The following CALN1 variants were observed in gnomAD, a reference collection of about 807,000 sequenced individuals.
CALN1 encodes calcium-binding protein 8.
A neutral mutation model predicts 30.6 loss-of-function variants in CALN1; 17 were observed. The observed-to-expected ratio is 0.56, with a 90% confidence interval of 0.38 to 0.83. The LOEUF is 0.83. Ranked by LOEUF, CALN1 falls within the 40% of genes least tolerant of loss-of-function variation. The pLI, the probability that CALN1 is intolerant of heterozygous loss-of-function variation, is 0.00. For missense variants in CALN1, 291 were observed against 354.9 expected (o/e 0.82, Z 1.45); for synonymous variants, 156 against 131.4 (o/e 1.19, Z -1.28).
chr7:72,460,314 T>C, the CALN1 span, among the ~76,000 whole-genome samples: 9 of 152,166 alleles, frequency 5.9e-5, no homozygotes, highest in African/African-American at 2.2e-4. Context: ...CACTTTATTC[T>C]ACAGGTGGTA....
At chr7:72,411,498 A>G (rs1002554543) in intron 1 of CALN1, among the ~76,000 whole-genome samples, 3 of 151,834 alleles carry the variant, frequency 2.0e-5, no homozygotes, top group Admixed American at 6.6e-5. Flanking sequence ...AACTCAATTT[A>G]TTTTTGTCTT....
At chr7:72,370,379 A>C (rs753433053) in intron 2 of CALN1, among the ~76,000 whole-genome samples, 6 of 152,196 alleles carry the variant, frequency 3.9e-5, no homozygotes, top group Non-Finnish European at 8.8e-5. Context: ...TATGCTTTAG[A>C]TATAAGTCCT....
chr7:72,188,416 T>C (rs1379834162), intron 3 of CALN1, among the ~76,000 whole-genome samples: 1 of 152,144 alleles, frequency 6.6e-6, no homozygotes, highest in Non-Finnish European at 1.5e-5. Flanking sequence ...ATGGATGGAA[T>C]TGGAGACTAC....
chr7:72,207,483 T>C (rs1483374035), intron 3 of CALN1, among the ~76,000 whole-genome samples: 2 of 152,126 alleles, frequency 1.3e-5, no homozygotes, highest in Non-Finnish European at 2.9e-5. Flanking sequence ...GTAGTAGTAG[T>C]AGTAGTAGTA....
chr7:72,497,933 G>T, the CALN1 span, among the ~76,000 whole-genome samples: 2 of 152,110 alleles, frequency 1.3e-5, no homozygotes, highest in African/African-American at 4.8e-5. Flanking sequence ...AGAGAAATTG[G>T]TTGTAATGGA....
intron 5 of CALN1, among the ~76,000 whole-genome samples, chr7:71,985,584 CTTTTTTTTTT>C (rs962922789): frequency 4.1e-5 from 4 of 96,438 alleles, no homozygotes; most frequent in African/African-American, 1.2e-4. Flanking sequence ...AGGTAGTTTT[CTTTTTTTTTT>C]TTTTTTTTTT....
At chr7:71,976,902 G>A (rs957261640) in intron 5 of CALN1, among the ~76,000 whole-genome samples, 2 of 152,134 alleles carry the variant, frequency 1.3e-5, no homozygotes, top group African/African-American at 4.8e-5. Flanking sequence ...CGTGCAACCC[G>A]TGAGCTAACA....
chr7:71,975,117 GAC>G (rs942106698), intron 5 of CALN1, among the ~76,000 whole-genome samples: 1 of 152,078 alleles, frequency 6.6e-6, no homozygotes, highest in African/African-American at 2.4e-5. Context: ...GCTGTGCAGG[GAC>G]AGATACTCTT....
intron 3 of CALN1, among the ~76,000 whole-genome samples, chr7:72,262,532 G>T (rs949425732): frequency 6.6e-6 from 1 of 152,072 alleles, no homozygotes; most frequent in African/African-American, 2.4e-5. Context: ...AGTCCTCAGT[G>T]TCTATTGTTT....
At chr7:71,870,146 T>G (rs1225043943) in intron 5 of CALN1, among the ~76,000 whole-genome samples, 1 of 151,798 alleles carries the variant, frequency 6.6e-6, no homozygotes, top group Non-Finnish European at 1.5e-5. Flanking sequence ...ACTTTGGGAG[T>G]CCGAGGTGGG....
chr7:72,261,245 T>C (rs1796253332), intron 3 of CALN1, among the ~76,000 whole-genome samples: 1 of 151,924 alleles, frequency 6.6e-6, no homozygotes, highest in African/African-American at 2.4e-5. Context: ...GAGGCAGAGG[T>C]TGCAGTAAGC....
chr7:72,238,608 A>G (rs866302224), intron 3 of CALN1, among the ~76,000 whole-genome samples: 12 of 104,840 alleles, frequency 1.1e-4, no homozygotes, highest in African/African-American at 4.3e-4. Flanking sequence ...ATTGAATCAC[A>G]GGGAGGGTTA....
chr7:72,013,247 A>ATT (rs1025112311), intron 5 of CALN1, among the ~76,000 whole-genome samples: 9,917 of 92,800 alleles, frequency 0.11, 1,198 homozygotes, highest in East Asian at 0.31. Flanking sequence ...CTAATTTGAG[A>ATT]TTTTTTTTTT....
chr7:71,939,856 C>G (rs1796032501), intron 5 of CALN1, among the ~76,000 whole-genome samples: 1 of 152,160 alleles, frequency 6.6e-6, no homozygotes, highest in Non-Finnish European at 1.5e-5. Flanking sequence ...AATCCATACT[C>G]TTGCCAAACT....
intron 2 of CALN1, among the ~76,000 whole-genome samples, chr7:72,353,934 C>A (rs1037956694): frequency 6.6e-6 from 1 of 152,140 alleles, no homozygotes; most frequent in East Asian, 1.9e-4. Context: ...CACCTGTAAT[C>A]CCAGCACTTT....
intron 4 of CALN1, among the ~76,000 whole-genome samples, chr7:72,058,057 C>T (rs999664393): frequency 2.6e-5 from 4 of 152,108 alleles, no homozygotes; most frequent in African/African-American, 4.8e-5. Context: ...AACCACCATC[C>T]GGATCATTTC....
At chr7:72,257,290 T>C (rs1017272986) in intron 3 of CALN1, among the ~76,000 whole-genome samples, 4 of 152,152 alleles carry the variant, frequency 2.6e-5, no homozygotes, top group African/African-American at 7.2e-5. Flanking sequence ...ATTACAATTG[T>C]TGATGAGGTT....
At chr7:72,256,836 C>G (rs1795947869) in intron 3 of CALN1, among the ~76,000 whole-genome samples, 2 of 152,088 alleles carry the variant, frequency 1.3e-5, no homozygotes, top group African/African-American at 4.8e-5. Context: ...TTGCCCTATT[C>G]CCTTACTCCT....
chr7:72,220,416 C>T (rs954618296), intron 3 of CALN1, among the ~76,000 whole-genome samples: 1 of 151,790 alleles, frequency 6.6e-6, no homozygotes, highest in African/African-American at 2.4e-5. Flanking sequence ...TGTATATGTG[C>T]CACATTTTCT....
Sources: gnomAD v4.1 joint callset for allele counts (sites outside exome capture counted in the v4.1 genomes callset) on GRCh38, gnomAD v4.1.1 for gene constraint, MANE v1.5 for transcripts, NCBI Gene and HGNC (gene_info 2026-07-23, HGNC 2026-07-21) for gene names.